The following CTNNA1 variants were observed in gnomAD, a reference collection of about 807,000 sequenced individuals.
The protein encoded by CTNNA1 is catenin alpha 1.
In CTNNA1, 37 loss-of-function variants were observed where a neutral mutation model predicts 98.4. The ratio of observed to expected loss-of-function variants is 0.38; its 90% CI spans 0.29 to 0.49. The LOEUF is 0.49. Ranked by LOEUF, CTNNA1 falls within the 20% of genes least tolerant of loss-of-function variation. CTNNA1 has a pLI of 0.95. For missense variants in CTNNA1, 761 were observed against 1,147.2 expected, an observed-to-expected ratio of 0.66 and a Z score of 4.86; for synonymous variants, 404 against 413.2, an observed-to-expected ratio of 0.98 and a Z score of 0.27.
chr5:138,774,813 G>T (rs1451678371), intron 1 of CTNNA1, among the ~76,000 whole-genome samples: 1 of 151,836 alleles, frequency 6.6e-6, no homozygotes, highest in East Asian at 1.9e-4. Flanking sequence ...AGTAGAGACG[G>T]GGTTTCACCG....
intron 10 of CTNNA1, among the ~76,000 whole-genome samples, chr5:138,914,740 A>T (rs2150211089): frequency 6.6e-6 from 1 of 152,172 alleles, no homozygotes; most frequent in East Asian, 1.9e-4. Context: ...GATCCAAAGC[A>T]TCTGAAAAAT....
intron 1 of CTNNA1, among the ~76,000 whole-genome samples, chr5:138,759,801 C>T (rs998671899): frequency 1.3e-5 from 2 of 152,052 alleles, no homozygotes; most frequent in Admixed American, 1.3e-4. Flanking sequence ...CTGAAATTGA[C>T]TGAAATTAAC....
chr5:138,806,197 A>G (rs994001762), intron 3 of CTNNA1, among the ~76,000 whole-genome samples: 3 of 152,122 alleles, frequency 2.0e-5, no homozygotes, highest in African/African-American at 7.2e-5. Context: ...TGGATTCTCA[A>G]AGTTGATTGA....
intron 7 of CTNNA1, among the ~76,000 whole-genome samples, chr5:138,830,086 G>C (rs1411247243): frequency 6.6e-6 from 1 of 151,762 alleles, no homozygotes; most frequent in African/African-American, 2.4e-5. Flanking sequence ...AGAATGGTGT[G>C]AACCCAGGAG....
chr5:138,844,545 T>A (rs1026128910), intron 7 of CTNNA1, among the ~76,000 whole-genome samples: 3 of 152,150 alleles, frequency 2.0e-5, no homozygotes, highest in Non-Finnish European at 4.4e-5. Context: ...TGTTGGCCAG[T>A]ATAATTTTAG....
intron 7 of CTNNA1, among the ~76,000 whole-genome samples, chr5:138,836,886 C>T (rs1761828878): frequency 6.6e-6 from 1 of 152,106 alleles, no homozygotes; most frequent in East Asian, 1.9e-4. Context: ...TATAAATTTT[C>T]TTTGATATTT....
intron 11 of CTNNA1, among the ~76,000 whole-genome samples, chr5:138,920,603 G>A (rs1166423182): frequency 2.0e-5 from 3 of 152,246 alleles, no homozygotes; most frequent in African/African-American, 7.2e-5. Flanking sequence ...ACTTCTTGGA[G>A]TGGTTGTTTT....
intron 7 of CTNNA1, among the ~76,000 whole-genome samples, chr5:138,866,125 C>T (rs1764734786): frequency 6.6e-6 from 1 of 152,042 alleles, no homozygotes; most frequent in South Asian, 2.1e-4. Flanking sequence ...ACCTGGGCAA[C>T]ACATGGTGAA....
chr5:138,785,064 ATTTT>A (rs34811565), intron 3 of CTNNA1, among the ~76,000 whole-genome samples: 1 of 140,450 alleles, frequency 7.1e-6, no homozygotes, highest in Non-Finnish European at 1.5e-5. Context: ...TAATTAATTA[ATTTT>A]TTTTTTTTTT....
chr5:138,849,123 CTG>C (rs1242107256), intron 7 of CTNNA1, among the ~76,000 whole-genome samples: 2 of 152,130 alleles, frequency 1.3e-5, no homozygotes, highest in African/African-American at 4.8e-5. Context: ...ATAGGCATCT[CTG>C]TATAAAATTT....
intron 5 of CTNNA1, among the ~76,000 whole-genome samples, chr5:138,818,334 C>T (rs1180534053): frequency 2.0e-5 from 3 of 151,360 alleles, no homozygotes; most frequent in Admixed American, 1.3e-4. Context: ...AGGCTGGTCC[C>T]GAACTCCTGG....
At chr5:138,808,406 A>G (rs993926058) in intron 3 of CTNNA1, among the ~76,000 whole-genome samples, 5 of 152,196 alleles carry the variant, frequency 3.3e-5, no homozygotes, top group African/African-American at 7.2e-5. Flanking sequence ...ACGAATCCAC[A>G]TAATGATTGC....
chr5:138,808,968 A>C (rs1397713660), intron 3 of CTNNA1, among the ~76,000 whole-genome samples: 1 of 152,172 alleles, frequency 6.6e-6, no homozygotes, highest in Non-Finnish European at 1.5e-5. Context: ...AGTTTCTAGG[A>C]AATGTTATAA....
At chr5:138,831,053 A>G (rs1761233348) in intron 7 of CTNNA1, among the ~76,000 whole-genome samples, 1 of 152,234 alleles carries the variant, frequency 6.6e-6, no homozygotes, top group Non-Finnish European at 1.5e-5. Context: ...CTTGTTTACT[A>G]CGTGGAACTT....
At chr5:138,790,335 C>G (rs1162817628) in intron 3 of CTNNA1, among the ~76,000 whole-genome samples, 1 of 152,214 alleles carries the variant, frequency 6.6e-6, no homozygotes, top group Non-Finnish European at 1.5e-5. Context: ...GGTGTTGAGG[C>G]AGCATGTGCT....
At chr5:138,768,773 G>T (rs1172137138) in intron 1 of CTNNA1, among the ~76,000 whole-genome samples, 2 of 151,896 alleles carry the variant, frequency 1.3e-5, no homozygotes, top group Admixed American at 1.3e-4. Context: ...CATTCAGTGG[G>T]TCAGGTTGTT....
chr5:138,803,878 C>G (rs1757825202), intron 3 of CTNNA1, among the ~76,000 whole-genome samples: 1 of 152,128 alleles, frequency 6.6e-6, no homozygotes, highest in Non-Finnish European at 1.5e-5. Flanking sequence ...TTTTCCTGGC[C>G]TGGTTGGTTA....
chr5:138,874,616 G>T lies in CTNNA1; in HGVS notation c.1063-11596G>T, dbSNP rs1358125587. On this transcript the variant is annotated intron_variant, in intron 7 of 17. Coordinates refer to ENST00000302763, the MANE Select transcript of CTNNA1 (RefSeq NM_001903.5). This position sits in a 1 kb window ranked among gnomAD's most constrained non-coding sequence, Gnocchi z 4.1. ...GGATATTTTTCAGCAGAACATATGG[G>T]CTATTTAAAAAAAACAACCACCACC... 7.3e-6 allele frequency: 8 copies of T among 1,090,660 alleles called. No homozygotes were observed. The South Asian group carries it at 8.4e-5, about 11-fold the overall frequency. The allele number at this position is 1,090,660 out of a possible 1,614,324, so 67.6% of individuals were successfully genotyped here. A position where few individuals can be genotyped will look rare whatever the true frequency, so the allele number is the denominator to read the frequency against.
At chr5:138,834,841 T>C (rs1229996966) in intron 7 of CTNNA1, among the ~76,000 whole-genome samples, 3 of 152,182 alleles carry the variant, frequency 2.0e-5, no homozygotes, top group African/African-American at 7.2e-5. Context: ...TAAAGCTTTT[T>C]AATCACCTGG....
Sources: allele counts gnomAD v4.1 joint callset (sites outside exome capture counted in the v4.1 genomes callset), GRCh38; gene constraint gnomAD v4.1.1; non-coding constraint Gnocchi (gnomAD v3.1); transcripts MANE v1.5; gene names NCBI Gene and HGNC (gene_info 2026-07-23, HGNC 2026-07-21).